The following CDH8 variants were observed in gnomAD, a reference collection of about 807,000 sequenced individuals.
CDH8 encodes the protein cadherin 8, also known as cadherin-8.
Under a neutral mutation model 68.1 loss-of-function variants are expected in CDH8, and 17 were observed. That is an observed-to-expected ratio of 0.25 (90% CI 0.17 to 0.37). The LOEUF (loss-of-function observed/expected upper bound fraction) is 0.37. Among genes scored for constraint, CDH8 ranks in the 10% least tolerant of loss-of-function variants. The pLI is 1.00. For synonymous variants in CDH8, 372 were observed against 365.1 expected (o/e 1.02, Z -0.21); for missense variants, 763 against 999.3 (o/e 0.76, Z 3.19).
At chr16:62,031,183 T>A (rs1902316430) in intron 1 of CDH8, among the ~76,000 whole-genome samples, 1 of 152,206 alleles carries the variant, frequency 6.6e-6, no homozygotes, top group Non-Finnish European at 1.5e-5. Flanking sequence ...TTCTCATTTT[T>A]ACAAAGCTGA....
intron 2 of CDH8, among the ~76,000 whole-genome samples, chr16:61,926,689 A>G (rs1409738003): frequency 6.6e-6 from 1 of 152,164 alleles, no homozygotes; most frequent in Non-Finnish European, 1.5e-5. Flanking sequence ...AAGGATTCAT[A>G]ATTTTGATTC....
chr16:61,704,920 A>G (rs559841169), intron 10 of CDH8, among the ~76,000 whole-genome samples: 26 of 152,318 alleles, frequency 1.7e-4, no homozygotes, highest in African/African-American at 5.5e-4. Flanking sequence ...GGCCAAGCAA[A>G]AGAATGAAAT....
chr16:61,894,853 C>G (rs1302518668), intron 3 of CDH8, among the ~76,000 whole-genome samples: 1 of 152,058 alleles, frequency 6.6e-6, no homozygotes, highest in Non-Finnish European at 1.5e-5. Context: ...TTGCCTTTTT[C>G]AACTATATAT....
intron 2 of CDH8, among the ~76,000 whole-genome samples, chr16:61,958,394 C>T (rs751665339): frequency 2.0e-5 from 3 of 152,192 alleles, no homozygotes; most frequent in Non-Finnish European, 4.4e-5. Flanking sequence ...CAAAGCAGAA[C>T]TACATCAATA....
At chr16:61,975,386 C>T (rs567661664) in intron 2 of CDH8, among the ~76,000 whole-genome samples, 13 of 152,258 alleles carry the variant, frequency 8.5e-5, no homozygotes, top group Admixed American at 3.9e-4. Context: ...CAAGCTCCAC[C>T]TACTACCCAG....
chr16:61,969,434 G>C (rs1965304191), intron 2 of CDH8, among the ~76,000 whole-genome samples: 1 of 152,158 alleles, frequency 6.6e-6, no homozygotes, highest in South Asian at 2.1e-4. Flanking sequence ...ATCCATGACA[G>C]AATATCCAGA....
intron 2 of CDH8, among the ~76,000 whole-genome samples, chr16:61,982,242 CAG>C (rs780703288): frequency 1.1e-4 from 16 of 151,668 alleles, no homozygotes; most frequent in African/African-American, 3.6e-4. Flanking sequence ...TTTTTTAAGA[CAG>C]AGTCTCGCTC....
At chr16:61,735,540 G>A (rs963029087) in intron 8 of CDH8, among the ~76,000 whole-genome samples, 1 of 126,848 alleles carries the variant, frequency 7.9e-6, no homozygotes, top group East Asian at 2.5e-4. Flanking sequence ...TCAATACATA[G>A]TTATATATAT....
At chr16:61,766,394 T>A (rs942311192) in intron 8 of CDH8, among the ~76,000 whole-genome samples, 1 of 152,146 alleles carries the variant, frequency 6.6e-6, no homozygotes, top group Non-Finnish European at 1.5e-5. Context: ...CATTGTTTGA[T>A]GGACACTTAT....
intron 2 of CDH8, among the ~76,000 whole-genome samples, chr16:62,015,897 C>A (rs954319072): frequency 1.3e-5 from 2 of 152,152 alleles, no homozygotes; most frequent in African/African-American, 4.8e-5. Flanking sequence ...TTAAAGATTA[C>A]CAACCTCCAG....
intron 10 of CDH8, among the ~76,000 whole-genome samples, chr16:61,701,411 G>A (rs760026054): frequency 6.6e-6 from 1 of 152,284 alleles, no homozygotes; most frequent in Non-Finnish European, 1.5e-5. Context: ...CCAGAAAACA[G>A]TAAATATTTC....
chr16:62,025,071 A>C (rs755236292), intron 1 of CDH8, among the ~76,000 whole-genome samples: 14 of 152,200 alleles, frequency 9.2e-5, no homozygotes, highest in Non-Finnish European at 1.2e-4. Context: ...AGCCACTCAT[A>C]TTGGCAGCAT....
chr16:61,755,399 T>A (rs891737826), intron 8 of CDH8, among the ~76,000 whole-genome samples: 12 of 152,264 alleles, frequency 7.9e-5, no homozygotes, highest in Admixed American at 3.3e-4. Flanking sequence ...ATTTATTAAA[T>A]GTGTATTTAT....
intron 7 of CDH8, among the ~76,000 whole-genome samples, chr16:61,808,250 A>G (rs1961847857): frequency 6.6e-6 from 1 of 152,220 alleles, no homozygotes; most frequent in African/African-American, 2.4e-5. Context: ...AAGAGATTAC[A>G]GTGAAGGGAC....
At chr16:61,797,350 C>T (rs1316828085) in intron 7 of CDH8, among the ~76,000 whole-genome samples, 4 of 152,024 alleles carry the variant, frequency 2.6e-5, no homozygotes, top group Admixed American at 6.6e-5. Context: ...CAGTACAACA[C>T]GAACAAACTG....
At chr16:61,949,862 G>A (rs1964861858) in intron 2 of CDH8, among the ~76,000 whole-genome samples, 1 of 151,834 alleles carries the variant, frequency 6.6e-6, no homozygotes, top group South Asian at 2.1e-4. Context: ...TGTGGTGCAT[G>A]CCTGTAGTCC....
chr16:61,926,921 G>C (rs2143441861), intron 2 of CDH8, among the ~76,000 whole-genome samples: 1 of 152,270 alleles, frequency 6.6e-6, no homozygotes, highest in Middle Eastern at 3.4e-3. Flanking sequence ...TACCTTTCAT[G>C]ACAATTTCAA....
intron 7 of CDH8, among the ~76,000 whole-genome samples, chr16:61,804,674 G>T (rs1961755468): frequency 6.6e-6 from 1 of 150,648 alleles, no homozygotes. Context: ...ACTACCATCA[G>T]AGAATACCAC....
intron 2 of CDH8, among the ~76,000 whole-genome samples, chr16:61,942,915 T>C (rs1964746083): frequency 1.3e-5 from 2 of 151,892 alleles, no homozygotes; most frequent in Admixed American, 1.3e-4. Context: ...CTACAAAATA[T>C]ACAAAAAAGT....
Sources: gnomAD v4.1 joint callset for allele counts (sites outside exome capture counted in the v4.1 genomes callset) on GRCh38, gnomAD v4.1.1 for gene constraint, MANE v1.5 for transcripts, NCBI Gene and HGNC (gene_info 2026-07-23, HGNC 2026-07-21) for gene names.